The following LDLRAD4 variants were observed in gnomAD, a reference collection of about 807,000 sequenced individuals.
LDLRAD4 encodes low density lipoprotein receptor class A domain containing 4, also known as low-density lipoprotein receptor class A domain-containing protein 4.
Under a neutral mutation model 17.0 loss-of-function variants are expected in LDLRAD4, and 5 were observed. The observed-to-expected ratio is 0.29, with a 90% confidence interval of 0.15 to 0.62. The LOEUF (loss-of-function observed/expected upper bound fraction) is 0.62. Ranked by LOEUF, LDLRAD4 falls within the 20% of genes least tolerant of loss-of-function variation. LDLRAD4 has a pLI of 0.84. For missense variants in LDLRAD4, 340 were observed against 424.7 expected (o/e 0.80, Z 1.75); for synonymous variants, 168 against 171.8 (o/e 0.98, Z 0.17).
rs1477042615 is a variant in LDLRAD4 at position 13,616,437 on chromosome 18, G to A, written c.182-4680G>A. ...TGGGGAGGCTTTGTGGCCCTGAAGAGAGTACAATGCTCATCTTTTCTGTTG... is the reference window on the plus strand; with the variant it reads ...TGGGGAGGCTTTGTGGCCCTGAAGAAAGTACAATGCTCATCTTTTCTGTTG... On this transcript the variant is annotated intron_variant, in intron 3 of 5. Transcript: ENST00000359446. 2.0e-4 allele frequency among the ~76,000 whole-genome samples: 30 copies of A among 152,214 alleles called. 1 individual carries two copies. Among genetic ancestry groups the A allele is most frequent in the Admixed American group, 2.0e-3 (30 of 15,288 alleles).
intron 1 of LDLRAD4, among the ~76,000 whole-genome samples, chr18:13,257,092 C>T (rs540793503): frequency 3.3e-5 from 5 of 152,326 alleles, no homozygotes; most frequent in Admixed American, 3.3e-4. Context: ...AAATCATTTC[C>T]AGTTAAAACG....
At chr18:13,619,501 T>TG (rs1285398644) in intron 3 of LDLRAD4, among the ~76,000 whole-genome samples, 13 of 2,040 alleles carry the variant, frequency 6.4e-3, no homozygotes, top group South Asian at 0.01. Context: ...TGTGTGTGGG[T>TG]GGGGGGGTGG....
chr18:13,568,440 T>C (rs1385815965), intron 3 of LDLRAD4, among the ~76,000 whole-genome samples: 1 of 152,120 alleles, frequency 6.6e-6, no homozygotes, highest in African/African-American at 2.4e-5. Context: ...TGTTTCATGG[T>C]CTAGAATGGC....
chr18:13,312,432 A>G (rs2047290509), intron 1 of LDLRAD4, among the ~76,000 whole-genome samples: 1 of 152,218 alleles, frequency 6.6e-6, no homozygotes, highest in Admixed American at 6.5e-5. Context: ...TACTTAAAGG[A>G]CCACAGGAAG....
chr18:13,226,760 G>A (rs1220667361), intron 1 of LDLRAD4, among the ~76,000 whole-genome samples: 8 of 91,676 alleles, frequency 8.7e-5, no homozygotes, highest in South Asian at 4.0e-4. Context: ...AAATAAAATA[G>A]AATTAAATTC....
intron 1 of LDLRAD4, among the ~76,000 whole-genome samples, chr18:13,325,547 A>G (rs2081476480): frequency 6.6e-6 from 1 of 151,518 alleles, no homozygotes; most frequent in South Asian, 2.1e-4. Context: ...TTTTGGGGCC[A>G]CTCCCTCTCC....
chr18:13,574,371 C>T (rs1396763965), intron 3 of LDLRAD4, among the ~76,000 whole-genome samples: 2 of 152,174 alleles, frequency 1.3e-5, no homozygotes, highest in Non-Finnish European at 2.9e-5. Flanking sequence ...TCTCTGTTCA[C>T]AGTGTGCCGT....
At chr18:13,264,855 C>G (rs1469114810) in intron 1 of LDLRAD4, among the ~76,000 whole-genome samples, 1 of 152,216 alleles carries the variant, frequency 6.6e-6, no homozygotes, top group Non-Finnish European at 1.5e-5. Context: ...AAAAGCGTTT[C>G]AAGTACAGTC....
intron 3 of LDLRAD4, among the ~76,000 whole-genome samples, chr18:13,516,708 T>C (rs541648923): frequency 1.6e-4 from 24 of 152,310 alleles, no homozygotes; most frequent in Non-Finnish European, 1.6e-4. Flanking sequence ...TATAAAGGTG[T>C]TTAGGTTTGT....
At chr18:13,248,312 G>A (rs979530343) in intron 1 of LDLRAD4, among the ~76,000 whole-genome samples, 9 of 152,232 alleles carry the variant, frequency 5.9e-5, no homozygotes, top group African/African-American at 2.2e-4. Flanking sequence ...AAAACAAAAT[G>A]TCTGACAGAA....
chr18:13,326,568 G>A (rs968588643), intron 1 of LDLRAD4, among the ~76,000 whole-genome samples: 4 of 152,176 alleles, frequency 2.6e-5, no homozygotes, highest in Admixed American at 1.3e-4. Flanking sequence ...ACAATGAGAT[G>A]TTCTTGTTTA....
chr18:13,257,102 G>C (rs1288237253), intron 1 of LDLRAD4, among the ~76,000 whole-genome samples: 1 of 152,194 alleles, frequency 6.6e-6, no homozygotes, highest in Non-Finnish European at 1.5e-5. Context: ...CAGTTAAAAC[G>C]TTTCTGCCAT....
chr18:13,493,828 C>T (rs1161934184), intron 3 of LDLRAD4, among the ~76,000 whole-genome samples: 1 of 152,242 alleles, frequency 6.6e-6, no homozygotes, highest in African/African-American at 2.4e-5. Flanking sequence ...CGTGCCGTCC[C>T]TGCCTCCAGC....
chr18:13,428,779 TC>T (rs1465664092), intron 2 of LDLRAD4, among the ~76,000 whole-genome samples: 1 of 152,128 alleles, frequency 6.6e-6, no homozygotes, highest in African/African-American at 2.4e-5. Context: ...CAGTGGCATC[TC>T]TATCCCCAGT....
chr18:13,379,398 T>C (rs1002715326), intron 1 of LDLRAD4, among the ~76,000 whole-genome samples: 4 of 152,222 alleles, frequency 2.6e-5, no homozygotes, highest in Non-Finnish European at 5.9e-5. Context: ...CAGCTAGAAT[T>C]CTGTGCAGTA....
At chr18:13,362,380 G>A (rs1381538848) in intron 1 of LDLRAD4, 1 of 152,142 alleles carries the variant, frequency 6.6e-6, no homozygotes, top group Non-Finnish European at 1.5e-5. Flanking sequence ...CCTTGTAAAT[G>A]GAGTTTTGGA....
At chr18:13,498,699 G>A (rs554507000) in intron 3 of LDLRAD4, among the ~76,000 whole-genome samples, 180 of 146,506 alleles carry the variant, frequency 1.2e-3, no homozygotes, top group Middle Eastern at 4.7e-3. Flanking sequence ...GGACACTGGA[G>A]AATCCTTCTT....
chr18:13,295,594 TG>T (rs2046227138), intron 1 of LDLRAD4, among the ~76,000 whole-genome samples: 1 of 152,248 alleles, frequency 6.6e-6, no homozygotes, highest in African/African-American at 2.4e-5. Flanking sequence ...AAGAATCAAC[TG>T]GCACCTTGAA....
intron 1 of LDLRAD4, among the ~76,000 whole-genome samples, chr18:13,270,232 G>GT (rs2044453144): frequency 2.0e-5 from 3 of 152,068 alleles, no homozygotes; most frequent in Admixed American, 6.6e-5. Context: ...GCCTGGTGGC[G>GT]TGCCTACCTG....
Sources: gnomAD v4.1 joint callset for allele counts (sites outside exome capture counted in the v4.1 genomes callset) on GRCh38, gnomAD v4.1.1 for gene constraint, MANE v1.5 for transcripts, NCBI Gene and HGNC (gene_info 2026-07-23, HGNC 2026-07-21) for gene names.